Variants in SUSD4 observed in about 807,000 individuals in gnomAD.
The protein encoded by SUSD4 is sushi domain containing 4.
SUSD4 carries 41 observed loss-of-function variants against 50.5 expected under a neutral mutation model. That is an observed-to-expected ratio of 0.81 (90% CI 0.63 to 1.05). The LOEUF is 1.05. Among genes scored for constraint, SUSD4 ranks in the 50% least tolerant of loss-of-function variants. SUSD4 has a pLI of 0.00. For synonymous variants in SUSD4, 257 were observed against 257.3 expected, an observed-to-expected ratio of 1.00 and a Z score of 0.01; for missense variants, 580 against 634.7, an observed-to-expected ratio of 0.91 and a Z score of 0.93.
intron 2 of SUSD4, among the ~76,000 whole-genome samples, chr1:223,355,015 T>A (rs1668578563): frequency 6.6e-6 from 1 of 152,100 alleles, no homozygotes; most frequent in Admixed American, 6.6e-5. Context: ...TGGAGGGCAG[T>A]GGCTTGATTT....
At chr1:223,223,945 C>A (rs73120288) in intron 7 of SUSD4, among the ~76,000 whole-genome samples, 1 of 152,214 alleles carries the variant, frequency 6.6e-6, no homozygotes, top group Non-Finnish European at 1.5e-5. Context: ...GGCCTTCTGG[C>A]CATAAGCTCA....
chr1:223,261,767 C>G (rs1662139818), intron 5 of SUSD4, among the ~76,000 whole-genome samples: 1 of 152,202 alleles, frequency 6.6e-6, no homozygotes, highest in Non-Finnish European at 1.5e-5. Context: ...GCTAGGTTCT[C>G]TCTTATTTAT....
At chr1:223,269,935 A>T (rs1433477563) in intron 3 of SUSD4, among the ~76,000 whole-genome samples, 1 of 152,028 alleles carries the variant, frequency 6.6e-6, no homozygotes, top group African/African-American at 2.4e-5. Context: ...AGTGGAAGAG[A>T]AGGGAAATGC....
intron 2 of SUSD4, among the ~76,000 whole-genome samples, chr1:223,320,776 C>T (rs1057073879): frequency 6.6e-6 from 1 of 152,178 alleles, no homozygotes; most frequent in Admixed American, 6.5e-5. Context: ...CAGGAAGGGC[C>T]GTCCCAGGAC....
chr1:223,316,728 G>A (rs1666211404), intron 2 of SUSD4, among the ~76,000 whole-genome samples: 2 of 152,162 alleles, frequency 1.3e-5, no homozygotes, highest in South Asian at 4.1e-4. Context: ...AGGAGACAGA[G>A]GCTCAGAGAA....
At chr1:223,305,830 T>A (rs1164296786) in intron 2 of SUSD4, among the ~76,000 whole-genome samples, 1 of 152,230 alleles carries the variant, frequency 6.6e-6, no homozygotes, top group African/African-American at 2.4e-5. Flanking sequence ...CCATGTGGGC[T>A]AAAGGCTTAG....
In SUSD4 at chr1:223,363,295, G is replaced by A; in HGVS notation, c.131C>T (p.Pro44Leu). Reference protein sequence around the residue: ...LWFQLALCFGPAQLTGGFDDL... With the variant: ...LWFQLALCFGLAQLTGGFDDL... The stretch of plus-strand genomic sequence containing the variant: ...TCACTCACCGCCCGTGAGCTGTGCA[G>A]GGCCGAAGCACAGCGCCAGCTGAAA... The change falls in exon 2 of 9, where the codon CCT (proline) becomes CTT (leucine). Residue 44 changes from proline to leucine, a missense_variant. Coordinates refer to ENST00000366878, the MANE Select transcript of SUSD4 (RefSeq NM_017982.4). 1.2e-6 allele frequency: 2 copies of A among 1,607,386 alleles called. No homozygotes were observed. Among genetic ancestry groups the A allele is most frequent in the Middle Eastern group, 1.7e-4 (1 of 6,028 alleles).
intron 2 of SUSD4, among the ~76,000 whole-genome samples, chr1:223,362,751 G>T (rs1330135365): frequency 1.3e-5 from 2 of 152,114 alleles, no homozygotes; most frequent in African/African-American, 4.8e-5. Flanking sequence ...CACACACAGG[G>T]GAAGGGAAAG....
chr1:223,327,926 G>A (rs984468772), intron 2 of SUSD4, among the ~76,000 whole-genome samples: 4 of 152,130 alleles, frequency 2.6e-5, no homozygotes, highest in Admixed American at 6.5e-5. Flanking sequence ...GAAGGGTGAT[G>A]TCTTGCTTGG....
chr1:223,229,566 G>A lies in SUSD4; in HGVS notation c.725-178C>T, dbSNP rs2103000016. On this transcript the variant is annotated intron_variant, in intron 5 of 8. Transcript: ENST00000366878. The surrounding 1 kb of genome is among the most constrained non-coding windows in gnomAD (Gnocchi z 4.7). The stretch of plus-strand genomic sequence containing the variant: ...TTTAGTATTTCATGGAAGGCGGAAT[G>A]GAAGCCTGCTGTAATATTCTGAGCA... The A allele has an allele frequency of 5.2e-6, 3 of 573,890 alleles. No individual in the cohort carries two copies. The South Asian group carries it at 9.8e-5, about 19-fold the overall frequency. 35.5% of individuals were successfully genotyped at this position (573,890 alleles called of 1,614,324 possible).
intron 4 of SUSD4, among the ~76,000 whole-genome samples, chr1:223,266,787 A>G (rs1382895806): frequency 6.6e-6 from 1 of 152,220 alleles, no homozygotes; most frequent in Non-Finnish European, 1.5e-5. Context: ...GGCCAATTAC[A>G]TTCCCCCTGG....
intron 3 of SUSD4, among the ~76,000 whole-genome samples, chr1:223,276,802 G>C (rs1262845054): frequency 6.6e-6 from 1 of 152,176 alleles, no homozygotes; most frequent in Admixed American, 6.5e-5. Context: ...ATATCTTGGG[G>C]GAAGACATGC....
chr1:223,263,702 A>G, intron 5 of SUSD4: 25 of 985,426 alleles, frequency 2.5e-5, no homozygotes, highest in Non-Finnish European at 3.0e-5. Flanking sequence ...CCTTCTGAGC[A>G]ATAGTCACCC....
chr1:223,279,769 T>A (rs1174540681), intron 3 of SUSD4, among the ~76,000 whole-genome samples: 1 of 151,904 alleles, frequency 6.6e-6, no homozygotes, highest in African/African-American at 2.4e-5. Flanking sequence ...GAAGAGCAAC[T>A]CCAAGACACA....
chr1:223,224,067 G>C (rs931330050), intron 7 of SUSD4, among the ~76,000 whole-genome samples: 4 of 152,218 alleles, frequency 2.6e-5, no homozygotes, highest in African/African-American at 9.6e-5. Flanking sequence ...ACAGAAAATA[G>C]GTCAGGTGTG....
intron 2 of SUSD4, among the ~76,000 whole-genome samples, chr1:223,303,605 T>G: frequency 6.6e-6 from 1 of 152,164 alleles, no homozygotes; most frequent in East Asian, 1.9e-4. Context: ...CCCAGGTGGA[T>G]CGGCAGGTCG....
chr1:223,222,824 C>T (rs1398882898), intron 8 of SUSD4, among the ~76,000 whole-genome samples: 3 of 152,184 alleles, frequency 2.0e-5, no homozygotes, highest in African/African-American at 4.8e-5. Context: ...GGCCCTAGTG[C>T]GTGCCTCTGG....
intron 5 of SUSD4, among the ~76,000 whole-genome samples, chr1:223,251,504 T>A (rs118081900): frequency 1.3e-5 from 2 of 152,170 alleles, no homozygotes; most frequent in Non-Finnish European, 2.9e-5. Flanking sequence ...AATTTCAACA[T>A]GAGATTTGGA....
chr1:223,264,437 G>C, intron 5 of SUSD4, 193 bp downstream of exon 5: 1 of 1,336,472 alleles, frequency 7.5e-7, no homozygotes, highest in Non-Finnish European at 9.6e-7. Flanking sequence ...CTAAGGATGA[G>C]GGAAGCAAGT....
Sources: allele counts gnomAD v4.1 joint callset (sites outside exome capture counted in the v4.1 genomes callset), GRCh38; gene constraint gnomAD v4.1.1; non-coding constraint Gnocchi (gnomAD v3.1); transcripts MANE v1.5; gene names NCBI Gene and HGNC (gene_info 2026-07-23, HGNC 2026-07-21).